ICE1: variants seen among roughly 807,000 people sequenced by gnomAD.
ICE1 encodes interactor of little elongation complex ELL subunit 1, also known as little elongation complex subunit 1.
A neutral mutation model predicts 192.7 loss-of-function variants in ICE1; 64 were observed. The observed-to-expected ratio is 0.33, with a 90% CI of 0.27 to 0.41. The LOEUF (loss-of-function observed/expected upper bound fraction) is 0.41, where lower values mean the gene tolerates loss of function less well. ICE1 is among the 10% of genes least tolerant of loss of function. The pLI, the probability that ICE1 is intolerant of heterozygous loss-of-function variation, is 1.00. For missense variants in ICE1, 2,708 were observed against 2,696.0 expected, an observed-to-expected ratio of 1.00 and a Z score of -0.10; for synonymous variants, 1,010 against 984.5, an observed-to-expected ratio of 1.03 and a Z score of -0.49.
chr5:5,436,409 T>G lies in ICE1; in HGVS notation c.85-9T>G. On this transcript the variant is annotated splice_polypyrimidine_tract_variant and intron_variant, in intron 1 of 18. Coordinates refer to ENST00000296564, the MANE Select transcript of ICE1 (RefSeq NM_015325.3). ...ATAAAAAAGCTGACTGTGGCTTTTT[T>G]TCTTTCAGAATTTGAATGAATATGT... 1 of 1,460,430 alleles carries G rather than the reference T, an allele frequency of 6.8e-7. No individual in the cohort carries two copies. Among genetic ancestry groups the G allele is most frequent in the South Asian group, 1.5e-5 (1 of 68,132 alleles). The allele number at this position is 1,460,430 out of a possible 1,614,324, so 90.5% of individuals were successfully genotyped here.
chr5:5,466,489 C>A lies in ICE1; in HGVS notation c.6048C>A (p.Ser2016Arg). 6.2e-7 allele frequency: 1 copy of A among 1,605,948 alleles called. No individual in the cohort carries two copies. Among genetic ancestry groups the A allele is most frequent in the East Asian group, 2.2e-5 (1 of 44,714 alleles). ...DLERARLFCY[S>R]LLKEDFPESE... is the part of the protein sequence containing the mutation. ...AAAGAGCTCGTTTGTTTTGCTACAG[C>A]CTACTTAAAGAAGGTATGCTTAGAT... is the stretch of plus-strand genomic sequence containing the variant. The change falls in exon 14 of 19, where the codon AGC becomes AGA. Residue 2016 changes from serine to arginine, a missense_variant. Coordinates refer to ENST00000296564, the MANE Select transcript of ICE1 (RefSeq NM_015325.3).
intron 7 of ICE1, among the ~76,000 whole-genome samples, chr5:5,446,169 C>G (rs1467355553): frequency 1.3e-5 from 2 of 151,354 alleles, no homozygotes; most frequent in Non-Finnish European, 2.9e-5. Flanking sequence ...GCTACCACAC[C>G]TGCCTTTTAA....
chr5:5,471,889 G>A (rs1739165720), intron 15 of ICE1, among the ~76,000 whole-genome samples: 1 of 152,088 alleles, frequency 6.6e-6, no homozygotes, highest in South Asian at 2.1e-4. Context: ...TGGTGGAGGT[G>A]ATAAAATCTT....
intron 1 of ICE1, among the ~76,000 whole-genome samples, chr5:5,430,569 A>G (rs1185855401): frequency 6.6e-6 from 1 of 152,212 alleles, no homozygotes; most frequent in Non-Finnish European, 1.5e-5. Context: ...AGCCCCACTC[A>G]TCCCTGCTTT....
intron 1 of ICE1, among the ~76,000 whole-genome samples, chr5:5,428,682 G>A (rs1737605637): frequency 6.6e-6 from 1 of 152,054 alleles, no homozygotes. Flanking sequence ...TCCAAATCAG[G>A]ATAGTAACAT....
intron 1 of ICE1, among the ~76,000 whole-genome samples, chr5:5,426,543 A>G (rs1305572402): frequency 3.9e-5 from 6 of 152,144 alleles, no homozygotes; most frequent in African/African-American, 1.4e-4. Context: ...CTTTGAAACC[A>G]TGAGGCCAAT....
At chr5:5,435,739 G>A (rs1254230668) in intron 1 of ICE1, among the ~76,000 whole-genome samples, 1 of 136,642 alleles carries the variant, frequency 7.3e-6, no homozygotes, top group East Asian at 2.2e-4. Context: ...GCACGATCTC[G>A]GCTCACTGCA....
intron 11 of ICE1, among the ~76,000 whole-genome samples, chr5:5,456,149 T>A (rs1448114652): frequency 6.6e-6 from 1 of 152,242 alleles, no homozygotes; most frequent in Non-Finnish European, 1.5e-5. Context: ...GGATAGGTGA[T>A]GTGGATATGT....
intron 10 of ICE1, among the ~76,000 whole-genome samples, chr5:5,453,018 G>A (rs1738470894): frequency 6.6e-6 from 1 of 152,030 alleles, no homozygotes; most frequent in Non-Finnish European, 1.5e-5. Flanking sequence ...TATTTTTTGG[G>A]TCAGATTAGC....
chr5:5,439,763 GTT>G, intron 3 of ICE1, 130 bp from the exon 4 acceptor site: 1 of 524,540 alleles, frequency 1.9e-6, no homozygotes, highest in Non-Finnish European at 3.3e-6. Context: ...TTTGAATATA[GTT>G]TTCTAGTATT....
At chr5:5,485,388 T>G (rs1739615395) in intron 17 of ICE1, among the ~76,000 whole-genome samples, 1 of 152,204 alleles carries the variant, frequency 6.6e-6, no homozygotes, top group Non-Finnish European at 1.5e-5. Context: ...TTTTTCATTA[T>G]CTGTTCTGCA....
At chr5:5,452,998 TTTA>T (rs1334322024) in intron 10 of ICE1, among the ~76,000 whole-genome samples, 2 of 152,086 alleles carry the variant, frequency 1.3e-5, no homozygotes, top group Non-Finnish European at 2.9e-5. Context: ...ATAGAGTGCT[TTTA>T]TTTATTTATT....
chr5:5,469,815 C>T (rs578191641), intron 15 of ICE1, among the ~76,000 whole-genome samples: 1 of 152,248 alleles, frequency 6.6e-6, no homozygotes, highest in African/African-American at 2.4e-5. Context: ...ATGATCTCTT[C>T]ATCAATCTAT....
intron 6 of ICE1, among the ~76,000 whole-genome samples, chr5:5,444,007 T>C (rs1738127183): frequency 6.6e-6 from 1 of 152,182 alleles, no homozygotes; most frequent in Non-Finnish European, 1.5e-5. Context: ...GCTAGTCTCA[T>C]GAATGATGCC....
Position 5,460,991 on chromosome 5 carries a change from T to C in ICE1, c.1657T>C (p.Ser553Pro). 1 of 1,614,056 alleles carries C rather than the reference T, an allele frequency of 6.2e-7. No individual in the cohort carries two copies. The highest frequency in any genetic ancestry group is 8.5e-7 in the Non-Finnish European group (1 of 1,179,900). ...LMESEGKTVL[S>P]KMMGSPKSEF... The stretch of plus-strand genomic sequence containing the variant: ...GGAATCTGAAGGAAAAACCGTATTG[T>C]CTAAAATGATGGGATCGCCCAAATC... Residue 553 changes from serine to proline, a missense_variant, in exon 13 of 19, where the codon TCT becomes CCT. By Grantham distance (74) the Ser-to-Pro change is moderately conservative. Around this residue, in one of 2 missense-constraint regions of ICE1, gnomAD observed 2,366 missense variants for 2,276.6 expected, o/e 1.04. Transcript: ENST00000296564.
In ICE1 at chr5:5,461,896, G is replaced by C. The variant is rs779802050; in HGVS notation, c.2562G>C (p.Leu854Phe). The C allele has an allele frequency of 1.2e-5, 20 of 1,613,746 alleles. No individual in the cohort carries two copies. Among genetic ancestry groups the C allele is most frequent in the Non-Finnish European group, 1.7e-6 (2 of 1,179,910 alleles). ...PVEFKTTASV[L>F]PNQVSVITKQ... ...AATTCAAGACCACTGCATCGGTGTTGCCTAATCAAGTATCAGTTATCACAA... is the reference window on the plus strand; with the variant it reads ...AATTCAAGACCACTGCATCGGTGTTCCCTAATCAAGTATCAGTTATCACAA... The change falls in exon 13 of 19, where the codon TTG (leucine) becomes TTC (phenylalanine). Residue 854 changes from leucine to phenylalanine, a missense_variant. By Grantham distance (22) the Leu-to-Phe change is conservative (BLOSUM62 0). This residue lies in a region of ICE1 where 2,366 missense variants were observed against 2,276.6 expected (regional missense o/e 1.04). Coordinates refer to ENST00000296564, the MANE Select transcript of ICE1 (RefSeq NM_015325.3).
At chr5:5,439,232 T>C (rs1737967131) in intron 3 of ICE1, among the ~76,000 whole-genome samples, 1 of 152,210 alleles carries the variant, frequency 6.6e-6, no homozygotes, top group Non-Finnish European at 1.5e-5. Context: ...TAGTTCTTGT[T>C]CTTCAGAAAC....
Position 5,457,299 on chromosome 5 carries a change from ATACCTGATACC to A in ICE1, c.692-29_692-19del, listed in dbSNP as rs751598078. ...TTTTTAAGTTTTCTTGATATTGTAA[ATACCTGATACC>A]TACTTTTGTTCCCCCACATAGAAAA... is the stretch of plus-strand genomic sequence containing the variant. On this transcript the variant is annotated intron_variant, in intron 11 of 18. Transcript: ENST00000296564. The A allele has an allele frequency of 3.3e-6, 5 of 1,536,864 alleles. No homozygotes were observed. The South Asian group carries it at 6.4e-5, about 20-fold the overall frequency.
intron 1 of ICE1, among the ~76,000 whole-genome samples, chr5:5,432,214 C>T (rs896374150): frequency 2.2e-4 from 33 of 152,194 alleles, no homozygotes; most frequent in Admixed American, 1.9e-3. Context: ...ACTCTTCCTC[C>T]AGTCTCTGGC....
Sources: gnomAD v4.1 joint callset for allele counts (sites outside exome capture counted in the v4.1 genomes callset) on GRCh38, gnomAD v4.1.1 for gene constraint, gnomAD v4.1.1 regional missense constraint, MANE v1.5 for transcripts, NCBI Gene and HGNC (gene_info 2026-07-23, HGNC 2026-07-21) for gene names.